GSE1: variants seen among roughly 807,000 people sequenced by gnomAD.
The protein encoded by GSE1 is Gse1 coiled-coil protein.
A neutral mutation model predicts 112.6 loss-of-function variants in GSE1; 32 were observed. The observed-to-expected ratio is 0.28, with a 90% CI of 0.21 to 0.38. The LOEUF (loss-of-function observed/expected upper bound fraction) is 0.38. Among genes scored for constraint, GSE1 ranks in the 10% least tolerant of loss-of-function variants. GSE1 has a pLI of 1.00. For missense variants in GSE1, 2,348 were observed against 1,699.2 expected (o/e 1.38, Z -6.71); for synonymous variants, 1,115 against 735.6 (o/e 1.52, Z -8.35).
chr16:85,533,989 T>TTAA (rs2044232728), intron 2 of GSE1, among the ~76,000 whole-genome samples: 1 of 152,170 alleles, frequency 6.6e-6, no homozygotes, highest in Non-Finnish European at 1.5e-5. Context: ...CCCCACCCCA[T>TTAA]TAAGGTCTAG....
intron 1 of GSE1, chr16:85,285,646 C>A (rs1394949133): frequency 6.7e-6 from 1 of 148,340 alleles, no homozygotes; most frequent in Non-Finnish European, 1.5e-5. Context: ...CGTGCCACTG[C>A]ACTCCAGCCT....
chr16:85,274,728 G>C (rs1213667757), intron 1 of GSE1, among the ~76,000 whole-genome samples: 1 of 152,236 alleles, frequency 6.6e-6, no homozygotes, highest in Non-Finnish European at 1.5e-5. Flanking sequence ...CCAGAGCGCT[G>C]GTCCAGGCTG....
intron 2 of GSE1, among the ~76,000 whole-genome samples, chr16:85,547,488 C>T (rs1477973256): frequency 6.6e-6 from 1 of 152,044 alleles, no homozygotes; most frequent in Non-Finnish European, 1.5e-5. Flanking sequence ...TTGTCTGTTC[C>T]TCTTTTAAAA....
chr16:85,241,477 C>T (rs1002995351), intron 1 of GSE1, among the ~76,000 whole-genome samples: 26 of 152,174 alleles, frequency 1.7e-4, no homozygotes, highest in Admixed American at 2.6e-4. Flanking sequence ...GGGAAATGGG[C>T]GGGTACTGCA....
At chr16:85,553,292 A>AGGC (rs1452727357), upstream of GSE1, among the ~76,000 whole-genome samples, 1 of 147,252 alleles carries the variant, frequency 6.8e-6, no homozygotes, top group Non-Finnish European at 1.5e-5. Flanking sequence ...CCCGCTTGCC[A>AGGC]GGCCGCCGCC....
intron 1 of GSE1, among the ~76,000 whole-genome samples, chr16:85,187,201 G>C (rs2143393955): frequency 6.6e-6 from 1 of 152,352 alleles, no homozygotes; most frequent in African/African-American, 2.4e-5. Flanking sequence ...GGCCTAGGAG[G>C]CATGATGGGA....
rs968872471 is a variant in GSE1, at chr16:85,662,995, C to G, written c.2275C>G (p.Leu759Val). Residue 759 changes from leucine to valine, a missense_variant, in exon 10 of 16, where the codon CTC becomes GTC. Coordinates refer to ENST00000253458, the MANE Select transcript of GSE1 (RefSeq NM_014615.5). ...EAQEKGYYYD[L>V]DDSYDESDEE... ...TTCTCCATCAGGGTACTACTACGAC[C>G]TCGATGACTCTTACGACGAGAGCGA... 1 of 1,609,934 alleles carries G rather than the reference C, an allele frequency of 6.2e-7. No homozygotes were observed. Among genetic ancestry groups the G allele is most frequent in the South Asian group, 1.1e-5 (1 of 91,008 alleles).
At chr16:85,587,934 C>T (rs766716347) in intron 1 of GSE1, among the ~76,000 whole-genome samples, 6 of 152,162 alleles carry the variant, frequency 3.9e-5, no homozygotes, top group African/African-American at 1.2e-4. Flanking sequence ...CCTGCCTTGC[C>T]GGGCTGGTTG....
chr16:85,612,056 G>C (rs2151542391), upstream of GSE1, among the ~76,000 whole-genome samples: 1 of 152,144 alleles, frequency 6.6e-6, no homozygotes, highest in African/African-American at 2.4e-5. Context: ...CAGAAGTAGG[G>C]ACGCGCTAGA....
intron 2 of GSE1, among the ~76,000 whole-genome samples, chr16:85,432,428 A>G (rs2049143948): frequency 6.6e-6 from 1 of 152,238 alleles, no homozygotes; most frequent in African/African-American, 2.4e-5. Context: ...GGAGAGAATG[A>G]GCTTGAAGCT....
At chr16:85,284,231 G>A (rs1048802407) in intron 1 of GSE1, among the ~76,000 whole-genome samples, 8 of 152,242 alleles carry the variant, frequency 5.3e-5, no homozygotes, top group South Asian at 2.1e-4. Flanking sequence ...GCTGTAGGGC[G>A]ACTCTTGGCG....
intron 1 of GSE1, among the ~76,000 whole-genome samples, chr16:85,231,038 AGATG>A (rs199564224): frequency 3.4e-5 from 5 of 148,906 alleles, no homozygotes; most frequent in South Asian, 2.2e-4. Flanking sequence ...ACAGAAGGAT[AGATG>A]GATGGATGAT....
chr16:85,192,989 G>A (rs897844041), intron 1 of GSE1, among the ~76,000 whole-genome samples: 3 of 152,232 alleles, frequency 2.0e-5, no homozygotes, highest in African/African-American at 4.8e-5. Flanking sequence ...GAGGGCTGTT[G>A]GAGGGGGCTG....
rs1410139529 is a variant in GSE1, at chr16:85,657,704, G to A, written c.1640+100G>A. Reference sequence around the variant, plus strand: ...TGTTTGCCCAACATCCTGCCCCAGCGTTTCTGCCTGCCTCTTTCATTTCTG... The same window carrying A: ...TGTTTGCCCAACATCCTGCCCCAGCATTTCTGCCTGCCTCTTTCATTTCTG... On this transcript the variant is annotated intron_variant, in intron 8 of 15. Transcript: ENST00000253458. 10 of 738,348 alleles carry A rather than the reference G, an allele frequency of 1.4e-5. No individual in the cohort carries two copies. In the East Asian group the frequency reaches 1.6e-4, roughly 12 times the overall value. The allele number at this position is 738,348 out of a possible 1,614,324, so 45.7% of individuals were successfully genotyped here.
intron 1 of GSE1, among the ~76,000 whole-genome samples, chr16:85,192,875 AGGG>A (rs1398353998): frequency 6.6e-6 from 1 of 152,110 alleles, no homozygotes; most frequent in African/African-American, 2.4e-5. Context: ...TTTGGGAAGA[AGGG>A]GGGATTTGTG....
At chr16:85,483,284 G>A (rs2050738178) in intron 2 of GSE1, among the ~76,000 whole-genome samples, 1 of 152,244 alleles carries the variant, frequency 6.6e-6, no homozygotes, top group African/African-American at 2.4e-5. Context: ...TGTCGTTCCC[G>A]CTGTTCCCTG....
chr16:85,383,828 C>T (rs1056940915), intron 2 of GSE1, among the ~76,000 whole-genome samples: 8 of 152,154 alleles, frequency 5.3e-5, no homozygotes, highest in Non-Finnish European at 1.2e-4. Flanking sequence ...ATGGGAGGAC[C>T]ACACAGACCT....
intron 1 of GSE1, among the ~76,000 whole-genome samples, chr16:85,248,521 C>T (rs1178604788): frequency 1.3e-5 from 2 of 149,058 alleles, no homozygotes; most frequent in African/African-American, 4.9e-5. Flanking sequence ...TCCCTCTTTG[C>T]CTCTCTCTCT....
intron 2 of GSE1, among the ~76,000 whole-genome samples, chr16:85,378,384 G>T (rs1040504230): frequency 1.3e-5 from 2 of 152,164 alleles, no homozygotes; most frequent in East Asian, 3.9e-4. Context: ...GGCAGTCAGG[G>T]GTCCCAGCCT....
Sources: allele counts gnomAD v4.1 joint callset (sites outside exome capture counted in the v4.1 genomes callset), GRCh38; gene constraint gnomAD v4.1.1; transcripts MANE v1.5; gene names NCBI Gene and HGNC (gene_info 2026-07-23, HGNC 2026-07-21).